Variants in CDH13 observed in about 807,000 individuals in gnomAD.
The protein encoded by CDH13 is cadherin 13.
Under a neutral mutation model 63.8 loss-of-function variants are expected in CDH13, and 24 were observed. The ratio of observed to expected loss-of-function variants is 0.38; its 90% CI spans 0.27 to 0.53. The LOEUF is 0.53. Among genes scored for constraint, CDH13 ranks in the 20% least tolerant of loss-of-function variants. CDH13 has a pLI of 0.85. For synonymous variants in CDH13, 503 were observed against 355.3 expected (o/e 1.42, Z -4.67); for missense variants, 1,049 against 903.1 (o/e 1.16, Z -2.07).
intron 2 of CDH13, among the ~76,000 whole-genome samples, chr16:82,984,045 A>C (rs1309136256): frequency 6.6e-6 from 1 of 152,340 alleles, no homozygotes; most frequent in East Asian, 1.9e-4. Context: ...CACCTCAGAC[A>C]GTTGTAGAAA....
intron 1 of CDH13, among the ~76,000 whole-genome samples, chr16:82,820,123 A>T (rs997641621): frequency 6.6e-6 from 1 of 152,154 alleles, no homozygotes; most frequent in Non-Finnish European, 1.5e-5. Flanking sequence ...AAACAGGGAT[A>T]AGGATATCTG....
chr16:83,058,928 G>A (rs1567790071), intron 3 of CDH13, among the ~76,000 whole-genome samples: 1 of 152,054 alleles, frequency 6.6e-6, no homozygotes, highest in Non-Finnish European at 1.5e-5. Flanking sequence ...CTTAACTGGT[G>A]GAACCTCTTG....
At chr16:83,516,207 A>T (rs953324168) in intron 7 of CDH13, among the ~76,000 whole-genome samples, 5 of 152,184 alleles carry the variant, frequency 3.3e-5, no homozygotes, top group African/African-American at 1.2e-4. Flanking sequence ...TTTACACTCA[A>T]AGTTTTCTTT....
chr16:83,170,730 A>G (rs969467161), intron 4 of CDH13, among the ~76,000 whole-genome samples: 24 of 152,168 alleles, frequency 1.6e-4, no homozygotes, highest in Admixed American at 1.2e-3. Flanking sequence ...TTGATGGAGT[A>G]AAATGGAAAG....
intron 1 of CDH13, among the ~76,000 whole-genome samples, chr16:82,793,513 T>G (rs2151141969): frequency 6.6e-6 from 1 of 152,278 alleles, no homozygotes; most frequent in African/African-American, 2.4e-5. Context: ...ACCTCAAGTT[T>G]CAAAGACCGT....
intron 2 of CDH13, among the ~76,000 whole-genome samples, chr16:82,932,682 T>G (rs2087798358): frequency 6.6e-6 from 1 of 152,192 alleles, no homozygotes; most frequent in Admixed American, 6.5e-5. Flanking sequence ...GCATAGACCT[T>G]TAGGTTTTCA....
chr16:83,167,300 CAGCCT>C (rs2037720918), intron 4 of CDH13, among the ~76,000 whole-genome samples: 2 of 151,394 alleles, frequency 1.3e-5, no homozygotes, highest in South Asian at 2.1e-4. Flanking sequence ...AGTTTGAGAC[CAGCCT>C]GGCCAACATG....
intron 1 of CDH13, among the ~76,000 whole-genome samples, chr16:82,685,974 A>G (rs1239345365): frequency 6.6e-6 from 1 of 152,202 alleles, no homozygotes; most frequent in Non-Finnish European, 1.5e-5. Context: ...AGGCACAGAG[A>G]GCTGATAATT....
At chr16:83,341,399 C>T (rs1396082466) in intron 5 of CDH13, among the ~76,000 whole-genome samples, 4 of 152,182 alleles carry the variant, frequency 2.6e-5, no homozygotes, top group Non-Finnish European at 1.5e-5. Flanking sequence ...GTGATGAAAA[C>T]TCACGGGAAT....
At chr16:82,782,631 A>C (rs981470510) in intron 1 of CDH13, among the ~76,000 whole-genome samples, 1 of 152,216 alleles carries the variant, frequency 6.6e-6, no homozygotes, top group Non-Finnish European at 1.5e-5. Context: ...CTTAGGAGAC[A>C]GATCAAAATG....
chr16:83,734,548 C>A (rs1424359236), intron 10 of CDH13, among the ~76,000 whole-genome samples: 1 of 146,878 alleles, frequency 6.8e-6, no homozygotes, highest in Non-Finnish European at 1.5e-5. Flanking sequence ...CACATGGACA[C>A]AGGAAGGGGA....
intron 2 of CDH13, among the ~76,000 whole-genome samples, chr16:82,884,914 T>G (rs544025031): frequency 6.6e-5 from 10 of 152,348 alleles, no homozygotes; most frequent in African/African-American, 2.4e-4. Context: ...TCTAGCCAGC[T>G]ACAGCTCTAG....
At chr16:83,571,581 T>A (rs1441733066) in intron 7 of CDH13, among the ~76,000 whole-genome samples, 1 of 152,122 alleles carries the variant, frequency 6.6e-6, no homozygotes, top group African/African-American at 2.4e-5. Context: ...ACTTTTACCA[T>A]ACCAGATAAT....
chr16:82,657,103 A>G (rs893795608), intron 1 of CDH13, among the ~76,000 whole-genome samples: 1 of 152,066 alleles, frequency 6.6e-6, no homozygotes, highest in African/African-American at 2.4e-5. Context: ...CCCAGTTTTC[A>G]TGGGGAATAA....
intron 2 of CDH13, among the ~76,000 whole-genome samples, chr16:82,888,160 A>G (rs1294624757): frequency 6.6e-6 from 1 of 152,238 alleles, no homozygotes; most frequent in African/African-American, 2.4e-5. Flanking sequence ...GGAAGAAAAC[A>G]TACATAGTGT....
chr16:83,711,960 G>A (rs938828548), intron 10 of CDH13, among the ~76,000 whole-genome samples: 1 of 152,182 alleles, frequency 6.6e-6, no homozygotes, highest in Non-Finnish European at 1.5e-5. Flanking sequence ...TCAAGGTGTT[G>A]GCAGAGTTGG....
chr16:82,942,322 A>G (rs1384111305), intron 2 of CDH13, among the ~76,000 whole-genome samples: 12 of 152,180 alleles, frequency 7.9e-5, no homozygotes, highest in Non-Finnish European at 1.5e-5. Flanking sequence ...AATAACCAAT[A>G]TGTGTGATCT....
At chr16:82,986,953 T>A (rs1174188541) in intron 2 of CDH13, among the ~76,000 whole-genome samples, 2 of 152,188 alleles carry the variant, frequency 1.3e-5, no homozygotes, top group Admixed American at 6.5e-5. Context: ...ACAGAAAACA[T>A]GTGAGGAAAC....
chr16:82,711,708 T>G (rs2031961269), intron 1 of CDH13, among the ~76,000 whole-genome samples: 1 of 152,158 alleles, frequency 6.6e-6, no homozygotes. Flanking sequence ...GCTATTCCCA[T>G]TATGTTTTGC....
Sources: gnomAD v4.1 joint callset for allele counts (sites outside exome capture counted in the v4.1 genomes callset) on GRCh38, gnomAD v4.1.1 for gene constraint, MANE v1.5 for transcripts, NCBI Gene and HGNC (gene_info 2026-07-23, HGNC 2026-07-21) for gene names.